Variants in LARP1B observed in about 807,000 individuals in gnomAD.
LARP1B encodes la-related protein 1B.
In LARP1B, 76 loss-of-function variants were observed where a neutral mutation model predicts 114.2. The observed-to-expected ratio is 0.67, with a 90% confidence interval of 0.55 to 0.81. The LOEUF (loss-of-function observed/expected upper bound fraction) is 0.81, where lower values mean the gene tolerates loss of function less well. LARP1B is among the 30% of genes least tolerant of loss of function. LARP1B has a pLI of 0.00. For missense variants in LARP1B, 1,014 were observed against 1,075.8 expected, an observed-to-expected ratio of 0.94 and a Z score of 0.80; for synonymous variants, 345 against 348.0, an observed-to-expected ratio of 0.99 and a Z score of 0.10.
At chr4:128,065,832 T>C (rs1762573849) in intron 1 of LARP1B, among the ~76,000 whole-genome samples, 2 of 152,096 alleles carry the variant, frequency 1.3e-5, no homozygotes, top group Non-Finnish European at 2.9e-5. Context: ...CATTAGTTTA[T>C]TTAAATAGGT....
At chr4:128,142,674 A>C (rs1026044487) in intron 11 of LARP1B, among the ~76,000 whole-genome samples, 2 of 151,772 alleles carry the variant, frequency 1.3e-5, no homozygotes, top group African/African-American at 4.8e-5. Context: ...ACACCTGGCT[A>C]ATTTTGTATT....
intron 1 of LARP1B, among the ~76,000 whole-genome samples, chr4:128,063,376 C>G (rs1470250821): frequency 2.4e-5 from 3 of 124,888 alleles, no homozygotes; most frequent in Non-Finnish European, 4.8e-5. Context: ...TGCAGTGAGC[C>G]GAGATCGCGC....
At chr4:128,092,856 T>C (rs966361885) in intron 7 of LARP1B, 2 of 985,336 alleles carry the variant, frequency 2.0e-6, no homozygotes, top group African/African-American at 3.5e-5. Context: ...ATACCACTAT[T>C]ACTGTCTTTT....
intron 3 of LARP1B, among the ~76,000 whole-genome samples, chr4:128,076,197 A>G (rs1351139285): frequency 6.6e-6 from 1 of 152,062 alleles, no homozygotes; most frequent in East Asian, 1.9e-4. Flanking sequence ...TATTTTTAGT[A>G]GAGACAGGGT....
intron 11 of LARP1B, among the ~76,000 whole-genome samples, chr4:128,136,728 C>T (rs1372478706): frequency 6.6e-6 from 1 of 152,132 alleles, no homozygotes; most frequent in East Asian, 1.9e-4. Flanking sequence ...TTACACAAAG[C>T]ACATTATTAG....
intron 12 of LARP1B, among the ~76,000 whole-genome samples, chr4:128,176,299 ATAT>A (rs201003124): frequency 4.2e-5 from 6 of 143,688 alleles, no homozygotes; most frequent in Non-Finnish European, 7.6e-5. Context: ...ATATATATAT[ATAT>A]TTTTTTTTTA....
At chr4:128,194,415 GC>G (rs1214239404) in intron 15 of LARP1B, among the ~76,000 whole-genome samples, 6 of 151,612 alleles carry the variant, frequency 4.0e-5, no homozygotes, top group Non-Finnish European at 8.8e-5. Flanking sequence ...GGTCGCAGTG[GC>G]TCACGCCTGT....
At chr4:128,206,351 C>A in intron 17 of LARP1B, 77 bp from the exon 18 acceptor site, 1 of 762,546 alleles carries the variant, frequency 1.3e-6, no homozygotes, top group Non-Finnish European at 2.0e-6. Flanking sequence ...ATTAGTTGTG[C>A]CATGTTTGCT....
At chr4:128,185,046 A>ATG (rs973775886) in intron 15 of LARP1B, among the ~76,000 whole-genome samples, 2 of 152,024 alleles carry the variant, frequency 1.3e-5, no homozygotes, top group African/African-American at 4.8e-5. Context: ...ACATATATAT[A>ATG]CCCATATATA....
chr4:128,096,605 T>C (rs1022642065), intron 7 of LARP1B, among the ~76,000 whole-genome samples: 2 of 152,112 alleles, frequency 1.3e-5, no homozygotes, highest in African/African-American at 4.8e-5. Context: ...TCTTTCTTTT[T>C]TTTTTTTCTG....
chr4:128,181,709 C>A (rs1183535597), intron 15 of LARP1B, among the ~76,000 whole-genome samples: 1 of 151,884 alleles, frequency 6.6e-6, no homozygotes, highest in Non-Finnish European at 1.5e-5. Context: ...TTTATCAATG[C>A]CCTTTATCTA....
chr4:128,117,266 A>G (rs1336652254), intron 10 of LARP1B, among the ~76,000 whole-genome samples: 3 of 150,896 alleles, frequency 2.0e-5, no homozygotes, highest in African/African-American at 7.3e-5. Flanking sequence ...GTGGAGTGCA[A>G]TGGTGTGATC....
In LARP1B at chr4:128,075,946, C is replaced by A. The variant is rs575693031; in HGVS notation, c.42+953C>A. 1.4e-4 allele frequency among the ~76,000 whole-genome samples: 21 copies of A among 152,306 alleles called. 1 individual carries two copies. The South Asian group carries it at 4.3e-3, about 32-fold the overall frequency. On this transcript the variant is annotated intron_variant, in intron 3 of 19. Coordinates refer to ENST00000326639, the MANE Select transcript of LARP1B (RefSeq NM_018078.4). Reference sequence around the variant, plus strand: ...TGATAAAGAGGTGCTGAAAACGTGGCAGCTATCCTTTTGATAGTTTACCCG... The same window carrying A: ...TGATAAAGAGGTGCTGAAAACGTGGAAGCTATCCTTTTGATAGTTTACCCG...
intron 7 of LARP1B, among the ~76,000 whole-genome samples, chr4:128,092,518 C>G (rs1401346171): frequency 6.6e-6 from 1 of 152,060 alleles, no homozygotes; most frequent in Non-Finnish European, 1.5e-5. Context: ...AAAATGTTGC[C>G]AAGTAATTTG....
chr4:128,065,345 CT>C lies in LARP1B; in HGVS notation c.-78+3948del, dbSNP rs1561013726. On this transcript the variant is annotated intron_variant, in intron 1 of 19. Coordinates refer to ENST00000326639, the MANE Select transcript of LARP1B (RefSeq NM_018078.4). Reference sequence around the variant, plus strand: ...TCTCTCTCTCTCTTTCCTTTCTTTTCTTTTCTTTTCTTTTCTTTTCTTTTCT... The same window carrying C: ...TCTCTCTCTCTCTTTCCTTTCTTTTCTTTCTTTTCTTTTCTTTTCTTTTCT... 9.4e-4 allele frequency among the ~76,000 whole-genome samples: 104 copies of C among 111,206 alleles called. 1 individual carries two copies. Among genetic ancestry groups the C allele is most frequent in the African/African-American group, 3.6e-3 (101 of 27,672 alleles). 73.0% of individuals were successfully genotyped at this position (111,206 alleles called of 152,430 possible).
intron 13 of LARP1B, 43 bp downstream of exon 13, chr4:128,176,950 T>C (rs1283257709): frequency 1.9e-6 from 3 of 1,540,074 alleles, no homozygotes; most frequent in Non-Finnish European, 2.7e-6. Context: ...ATGATATCCT[T>C]TGCATTGGGT....
intron 15 of LARP1B, among the ~76,000 whole-genome samples, chr4:128,193,127 C>A (rs898204384): frequency 6.6e-6 from 1 of 152,194 alleles, no homozygotes; most frequent in African/African-American, 2.4e-5. Context: ...AGTCACCACA[C>A]CCAGTCCCCC....
At chr4:128,082,768 G>A (rs971291368) in intron 5 of LARP1B, among the ~76,000 whole-genome samples, 1 of 149,096 alleles carries the variant, frequency 6.7e-6, no homozygotes, top group Admixed American at 6.7e-5. Context: ...TGAATTTTTG[G>A]CAGGAGTACT....
intron 11 of LARP1B, among the ~76,000 whole-genome samples, chr4:128,136,329 CA>C (rs952024151): frequency 3.4e-5 from 5 of 146,564 alleles, no homozygotes; most frequent in East Asian, 2.0e-4. Context: ...AACAAAAAAA[CA>C]AAAAAACAAA....
Sources: allele counts gnomAD v4.1 joint callset (sites outside exome capture counted in the v4.1 genomes callset), GRCh38; gene constraint gnomAD v4.1.1; transcripts MANE v1.5; gene names NCBI Gene and HGNC (gene_info 2026-07-23, HGNC 2026-07-21).